The following TRMT11 variants were observed in gnomAD, a reference collection of about 807,000 sequenced individuals.
TRMT11 encodes the protein tRNA (guanine(10)-N(2))-methyltransferase TRMT11.
In TRMT11, 53 loss-of-function variants were observed where a neutral mutation model predicts 62.8. The ratio of observed to expected loss-of-function variants is 0.84; its 90% confidence interval spans 0.68 to 1.06. TRMT11 has a LOEUF of 1.06. TRMT11 is among the 50% of genes least tolerant of loss of function. The probability of loss-of-function intolerance (pLI) is 0.00; values close to 1 mark genes in which losing one functional copy is unlikely to be tolerated. For missense variants in TRMT11, 556 were observed against 553.4 expected (o/e 1.00, Z -0.05); for synonymous variants, 188 against 190.3 (o/e 0.99, Z 0.10).
At chr6:125,990,064 C>T (rs927489718) in intron 1 of TRMT11, among the ~76,000 whole-genome samples, 1 of 152,094 alleles carries the variant, frequency 6.6e-6, no homozygotes, top group Non-Finnish European at 1.5e-5. Context: ...TCCTCCTCTG[C>T]CAAAATTCTT....
chr6:126,179,202 C>T (rs142319425), intron 1 of TRMT11, among the ~76,000 whole-genome samples: 58 of 152,234 alleles, frequency 3.8e-4, no homozygotes, highest in African/African-American at 1.1e-3. Context: ...TTCCTGTGAA[C>T]GCTTGAGGCT....
chr6:126,236,196 G>T, the TRMT11 span, among the ~76,000 whole-genome samples: 1 of 152,200 alleles, frequency 6.6e-6, no homozygotes, highest in African/African-American at 2.4e-5. Context: ...AGAATGGAAA[G>T]ACAAGATTAA....
At chr6:126,054,154 A>C (rs1454075461) in intron 17 of TRMT11, among the ~76,000 whole-genome samples, 23 of 152,176 alleles carry the variant, frequency 1.5e-4, no homozygotes, top group Non-Finnish European at 2.9e-5. Flanking sequence ...CTCTTTGGGA[A>C]GTTTTAATTT....
the TRMT11 span, among the ~76,000 whole-genome samples, chr6:126,223,819 A>G: frequency 1.3e-5 from 2 of 152,154 alleles, no homozygotes; most frequent in Non-Finnish European, 2.9e-5. Flanking sequence ...ATGTTTTTAC[A>G]TAATCCCATA....
the TRMT11 span, among the ~76,000 whole-genome samples, chr6:126,232,904 T>C: frequency 2.0e-5 from 3 of 152,234 alleles, no homozygotes; most frequent in Non-Finnish European, 4.4e-5. Flanking sequence ...CATGTGGCGC[T>C]GGCTAAAATC....
At chr6:125,997,408 G>A (rs1325812554) in intron 3 of TRMT11, among the ~76,000 whole-genome samples, 2 of 152,162 alleles carry the variant, frequency 1.3e-5, no homozygotes, top group South Asian at 2.1e-4. Flanking sequence ...TTGAGCATGC[G>A]ACAAAAAGGT....
At chr6:126,197,400 AT>A (rs1778678985) in intron 1 of TRMT11, among the ~76,000 whole-genome samples, 1 of 152,184 alleles carries the variant, frequency 6.6e-6, no homozygotes, top group African/African-American at 2.4e-5. Context: ...TCCATGTTTT[AT>A]CCAGAGGCTG....
chr6:126,194,138 G>C (rs1330949750), intron 1 of TRMT11, among the ~76,000 whole-genome samples: 1 of 152,158 alleles, frequency 6.6e-6, no homozygotes, highest in Middle Eastern at 3.2e-3. Flanking sequence ...GTTGGATGAA[G>C]TGGTCTGTAA....
chr6:126,143,090 A>G (rs1360328), intron 21 of TRMT11, among the ~76,000 whole-genome samples: 42,883 of 152,038 alleles, frequency 0.28, 6,429 homozygotes, highest in Middle Eastern at 0.44. Context: ...CAGGAAAAAA[A>G]AGTTCTTAAT....
At chr6:126,094,803 A>T (rs141664470) in intron 17 of TRMT11, among the ~76,000 whole-genome samples, 2 of 152,292 alleles carry the variant, frequency 1.3e-5, no homozygotes, top group African/African-American at 2.4e-5. Flanking sequence ...CTAATTAATC[A>T]AGTATATTAT....
At chr6:126,254,961 A>C in the TRMT11 span, among the ~76,000 whole-genome samples, 1 of 152,160 alleles carries the variant, frequency 6.6e-6, no homozygotes, top group African/African-American at 2.4e-5. Flanking sequence ...GGATGGCCTC[A>C]GTTTGGGGCC....
intron 7 of TRMT11, among the ~76,000 whole-genome samples, chr6:126,003,543 A>G (rs976257276): frequency 2.0e-5 from 3 of 152,088 alleles, no homozygotes; most frequent in Non-Finnish European, 2.9e-5. Context: ...CCAGCAGAGT[A>G]TATTTCAGGC....
chr6:126,148,416 A>G (rs1777999812), intron 21 of TRMT11, among the ~76,000 whole-genome samples: 1 of 152,298 alleles, frequency 6.6e-6, no homozygotes. Context: ...CTTATTTTCC[A>G]TGAAAGCCCC....
chr6:126,235,788 G>GCAAACTGCACAAACTGCA, the TRMT11 span, among the ~76,000 whole-genome samples: 1 of 152,078 alleles, frequency 6.6e-6, no homozygotes, highest in Non-Finnish European at 1.5e-5. Context: ...GATCTGTGCA[G>GCAAACTGCACAAACTGCA]CAAACTGCCA....
chr6:126,092,292 T>TAATTTA (rs1339888025), intron 17 of TRMT11, among the ~76,000 whole-genome samples: 1,589 of 152,246 alleles, frequency 0.01, 22 homozygotes, highest in African/African-American at 0.036. Flanking sequence ...AAGAAAAAGA[T>TAATTTA]GTTTAATGGA....
At chr6:126,182,529 T>A (rs1778479145) in intron 1 of TRMT11, among the ~76,000 whole-genome samples, 1 of 151,968 alleles carries the variant, frequency 6.6e-6, no homozygotes, top group Admixed American at 6.6e-5. Flanking sequence ...TTTGTCATCT[T>A]CCCTTATGGG....
At chr6:126,184,609 G>A (rs909251415) in intron 1 of TRMT11, among the ~76,000 whole-genome samples, 1 of 152,132 alleles carries the variant, frequency 6.6e-6, no homozygotes, top group Non-Finnish European at 1.5e-5. Flanking sequence ...TAACTTGCTT[G>A]TCTGACCCTT....
intron 8 of TRMT11, among the ~76,000 whole-genome samples, chr6:126,010,580 A>G (rs1053474181): frequency 6.6e-6 from 1 of 152,074 alleles, no homozygotes; most frequent in African/African-American, 2.4e-5. Context: ...CTGGCCTTCA[A>G]CTACCTGCTG....
chr6:126,112,873 A>C (rs892723956), exon 18 of TRMT11, among the ~76,000 whole-genome samples: 1 of 152,018 alleles, frequency 6.6e-6, no homozygotes, highest in Non-Finnish European at 1.5e-5. Context: ...TAGGGAAAAG[A>C]AACCAAGTCT....
Sources: allele counts gnomAD v4.1 joint callset (sites outside exome capture counted in the v4.1 genomes callset), GRCh38; gene constraint gnomAD v4.1.1; transcripts MANE v1.5; gene names NCBI Gene and HGNC (gene_info 2026-07-23, HGNC 2026-07-21).